Variants in NUP210L observed in about 807,000 individuals in gnomAD.
NUP210L encodes nucleoporin 210 like, also known as nuclear pore membrane glycoprotein 210-like.
A neutral mutation model predicts 208.5 loss-of-function variants in NUP210L; 74 were observed. That is an observed-to-expected ratio of 0.35 (90% confidence interval 0.29 to 0.43). NUP210L has a LOEUF of 0.43. Among genes scored for constraint, NUP210L ranks in the 20% least tolerant of loss-of-function variants. The pLI is 1.00. For missense variants in NUP210L, 1,843 were observed against 2,289.4 expected, an observed-to-expected ratio of 0.81 and a Z score of 3.98; for synonymous variants, 780 against 816.9, an observed-to-expected ratio of 0.95 and a Z score of 0.77.
chr1:154,037,469 A>G (rs1652619141), intron 27 of NUP210L, among the ~76,000 whole-genome samples: 1 of 152,066 alleles, frequency 6.6e-6, no homozygotes, highest in Non-Finnish European at 1.5e-5. Flanking sequence ...TTGTCTTGAA[A>G]TCTATTTTGT....
intron 25 of NUP210L, among the ~76,000 whole-genome samples, chr1:154,053,460 C>T (rs969833360): frequency 1.3e-5 from 2 of 152,166 alleles, no homozygotes; most frequent in African/African-American, 4.8e-5. Flanking sequence ...TAAACTGGCC[C>T]CAAAAATGGC....
chr1:154,066,441 C>T (rs1328947836), intron 17 of NUP210L, among the ~76,000 whole-genome samples: 1 of 152,120 alleles, frequency 6.6e-6, no homozygotes, highest in African/African-American at 2.4e-5. Flanking sequence ...GAAACCCTGT[C>T]TCTACTAAAA....
chr1:154,115,145 C>G (rs1328583115), intron 12 of NUP210L, among the ~76,000 whole-genome samples: 1 of 152,142 alleles, frequency 6.6e-6, no homozygotes, highest in Non-Finnish European at 1.5e-5. Context: ...CAGCAAGTAT[C>G]TTTTGTTTTT....
intron 14 of NUP210L, among the ~76,000 whole-genome samples, 159 bp from the exon 15 acceptor site, chr1:154,095,315 A>G (rs556501879): frequency 1.1e-4 from 17 of 152,284 alleles, no homozygotes; most frequent in Admixed American, 7.9e-4. Flanking sequence ...ATGCTTCTCA[A>G]CCTAACTTGG....
intron 17 of NUP210L, among the ~76,000 whole-genome samples, chr1:154,065,831 T>C (rs1654376121): frequency 7.3e-6 from 1 of 136,994 alleles, no homozygotes; most frequent in African/African-American, 2.7e-5. Context: ...AGGCAGAGGT[T>C]GCAGTAAGCA....
chr1:154,098,584 T>C (rs1257637386), intron 14 of NUP210L, among the ~76,000 whole-genome samples: 1 of 152,148 alleles, frequency 6.6e-6, no homozygotes, highest in African/African-American at 2.4e-5. Context: ...GAGGAGGCCC[T>C]GGAGTTGGTA....
At chr1:154,058,726 A>C (rs1373870052) in intron 20 of NUP210L, 33 bp from the exon 21 acceptor site, 1 of 1,607,418 alleles carries the variant, frequency 6.2e-7, no homozygotes, top group African/African-American at 1.3e-5. Context: ...TGGATAAAGA[A>C]GCAAACATGC....
intron 10 of NUP210L, among the ~76,000 whole-genome samples, chr1:154,121,988 A>C (rs1239419080): frequency 4.6e-5 from 7 of 152,210 alleles, no homozygotes; most frequent in African/African-American, 1.7e-4. Context: ...GAGAAAAGTC[A>C]ATGAAACCAA....
At chr1:154,083,471 A>G (rs928096716) in intron 16 of NUP210L, among the ~76,000 whole-genome samples, 8 of 152,288 alleles carry the variant, frequency 5.3e-5, no homozygotes, top group African/African-American at 1.9e-4. Context: ...ACTAGAGGCC[A>G]GTTGGTCAGA....
chr1:154,018,585 AG>A (rs1651392194), intron 33 of NUP210L, among the ~76,000 whole-genome samples: 2 of 152,162 alleles, frequency 1.3e-5, no homozygotes, highest in African/African-American at 4.8e-5. Flanking sequence ...AAATATACCT[AG>A]AATCTGATCA....
chr1:154,011,024 G>T (rs1198224144), intron 34 of NUP210L, among the ~76,000 whole-genome samples: 3 of 152,036 alleles, frequency 2.0e-5, no homozygotes, highest in South Asian at 4.1e-4. Flanking sequence ...ATCACAAGTG[G>T]TGCCTTAAGA....
chr1:154,025,514 G>C, intron 30 of NUP210L, 28 bp downstream of exon 30: 2 of 1,431,708 alleles, frequency 1.4e-6, no homozygotes, highest in African/African-American at 1.4e-5. Flanking sequence ...TTATTTATTT[G>C]TTTTTTTTAG....
intron 1 of NUP210L, 58 bp downstream of exon 1, chr1:154,154,784 C>T: frequency 7.2e-7 from 1 of 1,390,094 alleles, no homozygotes; most frequent in Non-Finnish European, 1.0e-6. Context: ...AGGGAACCCC[C>T]CTCACCCTTA....
chr1:154,083,356 T>C (rs1655452010), intron 16 of NUP210L, among the ~76,000 whole-genome samples: 1 of 152,202 alleles, frequency 6.6e-6, no homozygotes, highest in Non-Finnish European at 1.5e-5. Flanking sequence ...ATCCTTTGGC[T>C]AGACAGTAAA....
chr1:154,092,224 C>G (rs190072865), intron 15 of NUP210L, among the ~76,000 whole-genome samples: 1 of 149,090 alleles, frequency 6.7e-6, no homozygotes, highest in African/African-American at 2.5e-5. Context: ...TACAGGCACG[C>G]GCCACCACGC....
At chr1:154,029,037 T>C (rs1269330504) in intron 28 of NUP210L, among the ~76,000 whole-genome samples, 2 of 149,866 alleles carry the variant, frequency 1.3e-5, no homozygotes, top group African/African-American at 4.9e-5. Context: ...GAGTGGAGAT[T>C]GTGCCACTGC....
exon 22 of NUP210L, chr1:154,058,099 C>A (rs1653965024): frequency 6.2e-7 from 1 of 1,614,016 alleles, no homozygotes; most frequent in Non-Finnish European, 8.5e-7. Flanking sequence ...GTCAGGGTGA[C>A]AATGGCAGAA....
intron 12 of NUP210L, among the ~76,000 whole-genome samples, chr1:154,110,113 T>C (rs1656968797): frequency 6.7e-6 from 1 of 149,960 alleles, no homozygotes; most frequent in Non-Finnish European, 1.5e-5. Flanking sequence ...CGTGCACCTG[T>C]AATCCCAGCT....
At chr1:154,153,245 G>A (rs527628856) in intron 1 of NUP210L, among the ~76,000 whole-genome samples, 1 of 152,058 alleles carries the variant, frequency 6.6e-6, no homozygotes, top group Non-Finnish European at 1.5e-5. Context: ...GATGGAAAAG[G>A]TGCCTAAATT....
Sources: allele counts gnomAD v4.1 joint callset (sites outside exome capture counted in the v4.1 genomes callset), GRCh38; gene constraint gnomAD v4.1.1; transcripts MANE v1.5; gene names NCBI Gene and HGNC (gene_info 2026-07-23, HGNC 2026-07-21).